Variants in IBSP observed in about 807,000 individuals in gnomAD.
IBSP encodes integrin binding sialoprotein.
Under a neutral mutation model 25.5 loss-of-function variants are expected in IBSP, and 19 were observed. That is an observed-to-expected ratio of 0.74 (90% CI 0.52 to 1.09). The LOEUF is 1.09. Ranked by LOEUF, IBSP falls within the 50% of genes least tolerant of loss-of-function variation. The pLI is 0.00. For synonymous variants in IBSP, 144 were observed against 137.6 expected (o/e 1.05, Z -0.33); for missense variants, 360 against 382.3 (o/e 0.94, Z 0.49).
At chr4:87,808,921 G>C (rs954361124) in intron 5 of IBSP, among the ~76,000 whole-genome samples, 4 of 152,140 alleles carry the variant, frequency 2.6e-5, no homozygotes, top group African/African-American at 9.7e-5. Context: ...AACTTATTCT[G>C]GTGAACATAT....
chr4:87,810,405 G>A (rs1008229857), intron 5 of IBSP, among the ~76,000 whole-genome samples: 7 of 152,160 alleles, frequency 4.6e-5, no homozygotes, highest in African/African-American at 1.7e-4. Flanking sequence ...GGAGTAAGGA[G>A]GATTCAATAA....
In IBSP at chr4:87,811,862, A is replaced by G. The variant is rs1453515698; in HGVS notation, c.906A>G (p.Gly302=). The change falls in exon 7 of 7, where the codon GGA becomes GGG. Residue 302 remains glycine (G), a synonymous_variant. Coordinates refer to ENST00000226284, the MANE Select transcript of IBSP (RefSeq NM_004967.4). ...AAGATGAGTACAGCTACTTTAAAGG[A>G]CAAGGCTACGATGGCTATGATGGTC... ...AYEDEYSYFK[G]QGYDGYDGQN... is the part of the protein sequence containing the mutation. The G allele has an allele frequency of 6.4e-7, 1 of 1,569,822 alleles. No homozygotes were observed. The highest frequency in any genetic ancestry group is 1.2e-5 in the South Asian group (1 of 82,998).
chr4:87,812,036 A>T lies in IBSP; in HGVS notation c.*126A>T. On this transcript the variant is annotated 3_prime_UTR_variant, in exon 7 of 7. Transcript: ENST00000226284. ...TAATGAGGAATGGTACTACCGTTCC[A>T]GATTTTCTGTAATTGCTTCTGCAAA... is the stretch of plus-strand genomic sequence containing the variant. The T allele has an allele frequency of 1.4e-6, 1 of 696,584 alleles. No individual in the cohort carries two copies. Among genetic ancestry groups the T allele is most frequent in the African/African-American group, 1.8e-5 (1 of 54,884 alleles). The allele number at this position is 696,584 out of a possible 1,614,324, so 43.2% of individuals were successfully genotyped here.
At chr4:87,802,791 A>G in intron 4 of IBSP, 60 bp downstream of exon 4, 1 of 1,102,134 alleles carries the variant, frequency 9.1e-7, no homozygotes, top group East Asian at 2.8e-5. Flanking sequence ...AAGGAGATCA[A>G]ATTTTAACTA....
At chr4:87,800,248 G>C (rs910371309) in intron 1 of IBSP, among the ~76,000 whole-genome samples, 2 of 152,042 alleles carry the variant, frequency 1.3e-5, no homozygotes, top group African/African-American at 4.8e-5. Flanking sequence ...TTGGCTTTTT[G>C]TTGACTCACA....
Position 87,812,021 on chromosome 4 carries a change from T to C in IBSP, c.*111T>C. ...CAAATGTGCATATTATAATGAGGAATGGTACTACCGTTCCAGATTTTCTGT... is the reference window on the plus strand; with the variant it reads ...CAAATGTGCATATTATAATGAGGAACGGTACTACCGTTCCAGATTTTCTGT... On this transcript the variant is annotated 3_prime_UTR_variant, in exon 7 of 7. Transcript: ENST00000226284. 3.6e-6 allele frequency: 3 copies of C among 824,724 alleles called. No homozygotes were observed. Among genetic ancestry groups the C allele is most frequent in the Non-Finnish European group, 5.6e-6 (3 of 537,994 alleles). 51.1% of individuals were successfully genotyped at this position (824,724 alleles called of 1,614,324 possible).
At chr4:87,805,957 T>A (rs751496766) in intron 4 of IBSP, among the ~76,000 whole-genome samples, 165 bp from the exon 5 acceptor site, 3 of 152,250 alleles carry the variant, frequency 2.0e-5, no homozygotes, top group Non-Finnish European at 4.4e-5. Flanking sequence ...CACATCAGTA[T>A]GCAATCTGTT....
intron 5 of IBSP, among the ~76,000 whole-genome samples, chr4:87,808,929 T>A (rs1009298324): frequency 1.3e-5 from 2 of 152,222 alleles, no homozygotes; most frequent in Non-Finnish European, 2.9e-5. Context: ...CTGGTGAACA[T>A]ATACATATTC....
chr4:87,804,945 A>G (rs745463468), intron 4 of IBSP, among the ~76,000 whole-genome samples: 1 of 152,216 alleles, frequency 6.6e-6, no homozygotes, highest in Non-Finnish European at 1.5e-5. Flanking sequence ...GAAATCGTCC[A>G]AATATAATAC....
intron 5 of IBSP, among the ~76,000 whole-genome samples, chr4:87,806,938 G>A (rs1722097052): frequency 6.6e-6 from 1 of 151,988 alleles, no homozygotes; most frequent in Non-Finnish European, 1.5e-5. Flanking sequence ...CCGGAAGGTG[G>A]AGGTTGCAGT....
intron 4 of IBSP, among the ~76,000 whole-genome samples, chr4:87,804,070 A>G (rs1722058923): frequency 6.6e-6 from 1 of 152,132 alleles, no homozygotes; most frequent in South Asian, 2.1e-4. Flanking sequence ...GATCAAGGAG[A>G]TCTTTAATAT....
intron 5 of IBSP, among the ~76,000 whole-genome samples, chr4:87,807,026 C>A (rs978839617): frequency 1.3e-5 from 2 of 151,196 alleles, no homozygotes; most frequent in Admixed American, 6.6e-5. Flanking sequence ...ACAAAAACAA[C>A]AAAAAAAAAT....
At chr4:87,808,663 A>G (rs1722126255) in intron 5 of IBSP, among the ~76,000 whole-genome samples, 1 of 152,164 alleles carries the variant, frequency 6.6e-6, no homozygotes, top group East Asian at 1.9e-4. Context: ...TTGACTCTTA[A>G]TAGATTGACT....
intron 5 of IBSP, among the ~76,000 whole-genome samples, chr4:87,807,813 G>A (rs1722110412): frequency 6.6e-6 from 1 of 152,180 alleles, no homozygotes; most frequent in Non-Finnish European, 1.5e-5. Context: ...TAAAATCCCT[G>A]CTTTGGGGAA....
chr4:87,807,501 A>C (rs535655187), intron 5 of IBSP, among the ~76,000 whole-genome samples: 84 of 152,288 alleles, frequency 5.5e-4, no homozygotes, highest in African/African-American at 2.0e-3. Context: ...AAATCCCACA[A>C]CATTTCTGCT....
At chr4:87,806,255 C>A in intron 5 of IBSP, 71 bp downstream of exon 5, 3 of 1,133,010 alleles carry the variant, frequency 2.6e-6, no homozygotes, top group Non-Finnish European at 3.9e-6. Context: ...TAGTCTATTG[C>A]ATTCTGGACT....
At chr4:87,810,499 A>C in intron 5 of IBSP, 107 bp from the exon 6 acceptor site, 2 of 882,868 alleles carry the variant, frequency 2.3e-6, no homozygotes, top group Non-Finnish European at 3.6e-6. Flanking sequence ...TGAGGGATGC[A>C]AAGTTTTTCC....
intron 5 of IBSP, among the ~76,000 whole-genome samples, chr4:87,810,255 G>A (rs1722152348): frequency 6.6e-6 from 1 of 151,994 alleles, no homozygotes; most frequent in African/African-American, 2.4e-5. Context: ...AAACCTTCAT[G>A]CAATAATATA....
chr4:87,806,279 T>C lies in IBSP; in HGVS notation c.246+95T>C, dbSNP rs1414617719. ...GCATTCTGGACTCAGCAAATAGCCA[T>C]TGTCACTTTACTAACTGCCCATAAT... On this transcript the variant is annotated intron_variant, in intron 5 of 6. Coordinates refer to ENST00000226284, the MANE Select transcript of IBSP (RefSeq NM_004967.4). 6.6e-6 allele frequency: 6 copies of C among 904,864 alleles called. No homozygotes were observed. In the Admixed American group the frequency reaches 7.5e-5, roughly 11 times the overall value. The allele number at this position is 904,864 out of a possible 1,614,324, so 56.1% of individuals were successfully genotyped here. A position where few individuals can be genotyped will look rare whatever the true frequency, so the allele number is the denominator to read the frequency against.
Sources: allele counts gnomAD v4.1 joint callset (sites outside exome capture counted in the v4.1 genomes callset), GRCh38; gene constraint gnomAD v4.1.1; transcripts MANE v1.5; gene names NCBI Gene and HGNC (gene_info 2026-07-23, HGNC 2026-07-21).